Variants in UGP2 observed in about 807,000 individuals in gnomAD.
UGP2 encodes the protein UDP-glucose pyrophosphorylase 2.
A neutral mutation model predicts 49.0 loss-of-function variants in UGP2; 40 were observed. That is an observed-to-expected ratio of 0.82 (90% confidence interval 0.63 to 1.06). The LOEUF is 1.06. Ranked by LOEUF, UGP2 falls within the 50% of genes least tolerant of loss-of-function variation. UGP2 has a pLI of 0.00. For missense variants in UGP2, 460 were observed against 603.5 expected (o/e 0.76, Z 2.49); for synonymous variants, 225 against 213.0 (o/e 1.06, Z -0.49).
chr2:63,878,861 C>T (rs1390688412), intron 3 of UGP2, among the ~76,000 whole-genome samples: 1 of 152,160 alleles, frequency 6.6e-6, no homozygotes. Flanking sequence ...CCCTTGCATC[C>T]AGCCAGAACT....
chr2:63,862,902 T>C (rs948433401), intron 3 of UGP2: 4 of 455,216 alleles, frequency 8.8e-6, no homozygotes, highest in Non-Finnish European at 1.8e-5. Flanking sequence ...CTAAGGACTT[T>C]ACTGGAACAG....
intron 3 of UGP2, among the ~76,000 whole-genome samples, chr2:63,871,168 ACT>A (rs1273008283): frequency 6.6e-6 from 1 of 151,940 alleles, no homozygotes. Context: ...TAAAACTGAG[ACT>A]CTGTAGCATT....
chr2:63,853,859 G>T (rs1575807830), intron 1 of UGP2, among the ~76,000 whole-genome samples: 2 of 152,218 alleles, frequency 1.3e-5, no homozygotes, highest in East Asian at 3.9e-4. Context: ...AGGAAACTGG[G>T]GGAAAGGAGG....
intron 3 of UGP2, among the ~76,000 whole-genome samples, chr2:63,875,195 C>T (rs1670833456): frequency 6.6e-6 from 1 of 152,180 alleles, no homozygotes; most frequent in Non-Finnish European, 1.5e-5. Context: ...GTGAATAAGC[C>T]AGTGTTCTTG....
intron 3 of UGP2, among the ~76,000 whole-genome samples, chr2:63,864,625 C>G (rs913962955): frequency 2.0e-5 from 3 of 152,058 alleles, no homozygotes; most frequent in African/African-American, 7.2e-5. Context: ...GAATTTAGGC[C>G]CAGGTCTACC....
chr2:63,883,878 T>C, intron 4 of UGP2, 82 bp from the exon 5 acceptor site: 3 of 1,495,758 alleles, frequency 2.0e-6, no homozygotes, highest in Non-Finnish European at 2.7e-6. Flanking sequence ...TATTTTATGA[T>C]TTAACCATTA....
intron 8 of UGP2, chr2:63,889,647 T>A (rs1347565864): frequency 6.5e-6 from 1 of 153,986 alleles, no homozygotes; most frequent in Non-Finnish European, 1.4e-5. Flanking sequence ...GGTGATAACA[T>A]AATAATTTGT....
At chr2:63,887,282 T>A in intron 7 of UGP2, 120 bp from the exon 8 acceptor site, 1 of 1,441,762 alleles carries the variant, frequency 6.9e-7, no homozygotes, top group African/African-American at 1.4e-5. Context: ...AAAAAAAATT[T>A]TTTTTTTTCC....
At chr2:63,842,299 T>TCATTTGAGATAA (rs1671611541) in intron 1 of UGP2, 95 bp downstream of exon 1, 1 of 1,608,020 alleles carries the variant, frequency 6.2e-7, no homozygotes, top group African/African-American at 1.3e-5. Context: ...GTGGAAATGT[T>TCATTTGAGATAA]CATTTGAGAT....
chr2:63,869,593 A>G (rs1670407852), intron 3 of UGP2, among the ~76,000 whole-genome samples: 1 of 152,222 alleles, frequency 6.6e-6, no homozygotes, highest in Non-Finnish European at 1.5e-5. Flanking sequence ...TAGGCTGAAA[A>G]TGAGTGACTT....
chr2:63,885,555 T>C, intron 5 of UGP2, 34 bp from the exon 6 acceptor site: 1 of 1,492,128 alleles, frequency 6.7e-7, no homozygotes, highest in East Asian at 2.3e-5. Context: ...CTCTACAGGG[T>C]CAATATTGAA....
chr2:63,871,304 T>G (rs143037933), intron 3 of UGP2, among the ~76,000 whole-genome samples: 17 of 152,266 alleles, frequency 1.1e-4, no homozygotes, highest in Non-Finnish European at 1.9e-4. Flanking sequence ...AAGCCTTTTT[T>G]TTTTCCTCCT....
chr2:63,847,051 G>A (rs988231464), intron 1 of UGP2, among the ~76,000 whole-genome samples: 3 of 152,122 alleles, frequency 2.0e-5, no homozygotes, highest in East Asian at 3.8e-4. Context: ...AATTGTCCGT[G>A]TTCTTGCTAA....
intron 1 of UGP2, among the ~76,000 whole-genome samples, chr2:63,854,670 T>A (rs558016783): frequency 6.6e-6 from 1 of 152,250 alleles, no homozygotes; most frequent in Non-Finnish European, 1.5e-5. Flanking sequence ...AAGCCCTTCC[T>A]GATTCTTTAA....
chr2:63,842,347 A>T, intron 1 of UGP2, 143 bp downstream of exon 1: 1 of 1,602,706 alleles, frequency 6.2e-7, no homozygotes, highest in East Asian at 2.2e-5. Context: ...TTGTCATCTG[A>T]GCTGCCTTGA....
intron 3 of UGP2, among the ~76,000 whole-genome samples, chr2:63,861,637 A>G (rs1435253046): frequency 1.4e-5 from 2 of 145,082 alleles, no homozygotes; most frequent in East Asian, 2.1e-4. Flanking sequence ...ACAGTAAGCT[A>G]TGATATCACC....
intron 1 of UGP2, among the ~76,000 whole-genome samples, chr2:63,843,593 A>G (rs1014836801): frequency 6.6e-6 from 1 of 152,252 alleles, no homozygotes; most frequent in Non-Finnish European, 1.5e-5. Context: ...GCAAGCATTG[A>G]CTGATTTCAC....
intron 3 of UGP2, among the ~76,000 whole-genome samples, chr2:63,879,189 G>A (rs896808178): frequency 3.3e-5 from 5 of 152,022 alleles, no homozygotes; most frequent in East Asian, 1.9e-4. Flanking sequence ...TCTGCCTCAC[G>A]TTATTATTTA....
At chr2:63,884,741 G>A (rs948364561) in intron 5 of UGP2, among the ~76,000 whole-genome samples, 4 of 151,640 alleles carry the variant, frequency 2.6e-5, no homozygotes, top group East Asian at 1.9e-4. Flanking sequence ...ATGAGACGTC[G>A]TCTCTACAAA....
Sources: allele counts gnomAD v4.1 joint callset (sites outside exome capture counted in the v4.1 genomes callset), GRCh38; gene constraint gnomAD v4.1.1; transcripts MANE v1.5; gene names NCBI Gene and HGNC (gene_info 2026-07-23, HGNC 2026-07-21).